The following SYNJ2 variants were observed in gnomAD, a reference collection of about 807,000 sequenced individuals.
The protein encoded by SYNJ2 is synaptojanin 2.
SYNJ2 carries 116 observed loss-of-function variants against 141.3 expected under a neutral mutation model. The observed-to-expected ratio is 0.82, with a 90% CI of 0.71 to 0.96. The LOEUF (loss-of-function observed/expected upper bound fraction) is 0.96. Among genes scored for constraint, SYNJ2 ranks in the 40% least tolerant of loss-of-function variants. The pLI is 0.00. For synonymous variants in SYNJ2, 745 were observed against 777.7 expected (o/e 0.96, Z 0.70); for missense variants, 1,873 against 1,934.8 (o/e 0.97, Z 0.60).
chr6:158,000,357 C>G (rs1777799080), intron 1 of SYNJ2, among the ~76,000 whole-genome samples: 1 of 152,074 alleles, frequency 6.6e-6, no homozygotes, highest in Non-Finnish European at 1.5e-5. Context: ...AATAAGGAAG[C>G]AGAATCAGTG....
At chr6:158,008,219 C>T (rs1163029254) in intron 1 of SYNJ2, among the ~76,000 whole-genome samples, 1 of 152,024 alleles carries the variant, frequency 6.6e-6, no homozygotes, top group Non-Finnish European at 1.5e-5. Flanking sequence ...GTGATCCATT[C>T]CCCTTGGCCT....
At chr6:158,076,421 G>A (rs144966057) in intron 16 of SYNJ2, among the ~76,000 whole-genome samples, 8 of 152,204 alleles carry the variant, frequency 5.3e-5, no homozygotes, top group East Asian at 3.9e-4. Context: ...ATACGAGGGC[G>A]GTGTGTCCCT....
At chr6:158,003,104 C>G (rs866950223) in intron 1 of SYNJ2, among the ~76,000 whole-genome samples, 1 of 152,160 alleles carries the variant, frequency 6.6e-6, no homozygotes, top group African/African-American at 2.4e-5. Context: ...ACCAAACTTT[C>G]TTGTATTTTC....
Position 158,086,936 on chromosome 6 carries a change from C to A in SYNJ2, c.3290C>A (p.Ser1097Ter). The A allele has an allele frequency of 1.2e-6, 2 of 1,606,424 alleles. No individual in the cohort carries two copies. The highest frequency in any genetic ancestry group is 1.7e-6 in the Non-Finnish European group (2 of 1,178,726). ...CACCGTTCTCCGAGCAGGTCTCTGTCGGTCCCCAACCGGCCTCGGCCACCT... is the reference window on the plus strand; with the variant it reads ...CACCGTTCTCCGAGCAGGTCTCTGTAGGTCCCCAACCGGCCTCGGCCACCT... ...FRHRSPSRSL[S>*]VPNRPRPPQP... The change falls in exon 23 of 27, where the codon TCG becomes TAG. Residue 1097 changes from serine to a stop codon, truncating the protein, a stop_gained. Transcript: ENST00000355585. LOFTEE classifies it high-confidence loss of function.
intron 1 of SYNJ2, among the ~76,000 whole-genome samples, chr6:157,984,467 C>T (rs1484451233): frequency 1.3e-5 from 2 of 152,104 alleles, no homozygotes; most frequent in African/African-American, 2.4e-5. Flanking sequence ...GGTGCGATCT[C>T]GGCTGACTGC....
Position 158,028,828 on chromosome 6 carries a change from TC to T in SYNJ2, c.288del (p.Tyr97ThrfsTer22). 6 of 1,614,150 alleles carry T rather than the reference TC, an allele frequency of 3.7e-6. No homozygotes were observed. Among genetic ancestry groups the T allele is most frequent in the Non-Finnish European group, 5.1e-6 (6 of 1,180,016 alleles). ...GTGGGCAGAATTCCAGATGCTGAAA[TC>T]TACAAAATCACTGCCACTGACTTTT... ...TSVGRIPDAEIYKITATDFYP... is the reference protein window; with the variant it reads ...TSVGRIPDAEXYKITATDFYP... On this transcript the variant is annotated frameshift_variant, in exon 3 of 27. Transcript: ENST00000355585. LOFTEE classifies it high-confidence loss of function.
chr6:158,055,067 A>T, intron 6 of SYNJ2, 39 bp downstream of exon 6: 5 of 1,605,800 alleles, frequency 3.1e-6, no homozygotes, highest in Non-Finnish European at 4.3e-6. Flanking sequence ...TGTCATTGTC[A>T]TCCTTAGACA....
chr6:158,065,017 G>C (rs1402232166), intron 11 of SYNJ2, 26 bp downstream of exon 11: 2 of 1,512,708 alleles, frequency 1.3e-6, no homozygotes, highest in South Asian at 2.5e-5. Flanking sequence ...GACAGGGCGA[G>C]GCAGGGAGGT....
chr6:158,016,175 G>A (rs959349274), intron 1 of SYNJ2, among the ~76,000 whole-genome samples: 10 of 152,124 alleles, frequency 6.6e-5, no homozygotes, highest in South Asian at 2.1e-4. Flanking sequence ...GTGCAGTGGC[G>A]TAATTTCGGC....
rs202140646 is a variant in SYNJ2, at chr6:158,062,179, G to A, written c.1127+15G>A. 63 of 1,608,752 alleles carry A rather than the reference G, an allele frequency of 3.9e-5. No individual in the cohort carries two copies. Among genetic ancestry groups the A allele is most frequent in the African/African-American group, 8.0e-5 (6 of 74,760 alleles). ...GTCAGTCCACGGTGAGGCTCGCTGC[G>A]CACTGTGCCGCGTCTTCTGCTGGGG... On this transcript the variant is annotated intron_variant, in intron 8 of 26. Transcript: ENST00000355585.
At chr6:158,015,766 A>G (rs1180355514) in intron 1 of SYNJ2, among the ~76,000 whole-genome samples, 4 of 152,204 alleles carry the variant, frequency 2.6e-5, no homozygotes, top group African/African-American at 9.6e-5. Flanking sequence ...ATATTGCTAT[A>G]CTATAACATT....
At chr6:158,053,372 T>A (rs1013771650) in intron 5 of SYNJ2, among the ~76,000 whole-genome samples, 14 of 152,338 alleles carry the variant, frequency 9.2e-5, no homozygotes, top group African/African-American at 3.4e-4. Context: ...CCCTTAAGAT[T>A]TATCATCAAC....
chr6:158,036,335 A>G (rs1779636306), intron 4 of SYNJ2, among the ~76,000 whole-genome samples: 1 of 152,168 alleles, frequency 6.6e-6, no homozygotes, highest in African/African-American at 2.4e-5. Context: ...TCAGAGACCT[A>G]CTCACAATAG....
intron 2 of SYNJ2, among the ~76,000 whole-genome samples, chr6:158,023,027 A>T (rs1417431852): frequency 1.3e-5 from 2 of 152,130 alleles, no homozygotes; most frequent in Non-Finnish European, 2.9e-5. Context: ...AGGCAGGAGG[A>T]TCACTTGAGC....
chr6:158,081,617 T>C, intron 20 of SYNJ2, 107 bp downstream of exon 20: 1 of 439,394 alleles, frequency 2.3e-6, no homozygotes, highest in Non-Finnish European at 3.7e-6. Context: ...TTTTTTTTTT[T>C]TTTTTTTTTT....
At chr6:158,035,346 AT>A (rs1457517286) in intron 4 of SYNJ2, among the ~76,000 whole-genome samples, 2 of 152,046 alleles carry the variant, frequency 1.3e-5, no homozygotes, top group Non-Finnish European at 2.9e-5. Flanking sequence ...GTCATCTCCA[AT>A]TTCTTTGAGC....
Position 158,087,909 on chromosome 6 carries a change from A to G in SYNJ2, c.3344-751A>G, listed in dbSNP as rs560982796. Among the ~76,000 whole-genome samples, 27 of 142,674 alleles carry G rather than the reference A, an allele frequency of 1.9e-4. No individual in the cohort carries two copies. In the East Asian group the frequency reaches 5.4e-3, roughly 29 times the overall value. The allele number at this position is 142,674 out of a possible 152,430, so 93.6% of individuals were successfully genotyped here. On this transcript the variant is annotated intron_variant, in intron 23 of 26. Transcript: ENST00000355585. Reference sequence around the variant, plus strand: ...TTTTTTTTTTTTTAACAAAATTAATACCCATTTTCTCTGGTCGGTTGTCTT... The same window carrying G: ...TTTTTTTTTTTTTAACAAAATTAATGCCCATTTTCTCTGGTCGGTTGTCTT...
Position 158,070,031 on chromosome 6 carries a change from C to T in SYNJ2, c.1940+358C>T, listed in dbSNP as rs1781818756. ...TGAGTAACTCACTGGGAAATGCCAA[C>T]TCTTTTGTCCCTTTTTAAAAGAATT... On this transcript the variant is annotated intron_variant, in intron 14 of 26. Transcript: ENST00000355585. This position sits in a 1 kb window ranked among gnomAD's most constrained non-coding sequence, Gnocchi z 4.0. 1 of 644,694 alleles carries T rather than the reference C, an allele frequency of 1.6e-6. No homozygotes were observed. The highest frequency in any genetic ancestry group is 1.9e-6 in the Non-Finnish European group (1 of 512,862). The allele number at this position is 644,694 out of a possible 1,614,324, so 39.9% of individuals were successfully genotyped here.
chr6:158,009,266 CT>C (rs1473539755), intron 1 of SYNJ2, among the ~76,000 whole-genome samples: 9 of 152,268 alleles, frequency 5.9e-5, no homozygotes, highest in African/African-American at 2.2e-4. Context: ...TGGCAGGAAG[CT>C]TGAGCAGCGC....
Sources: allele counts gnomAD v4.1 joint callset (sites outside exome capture counted in the v4.1 genomes callset), GRCh38; gene constraint gnomAD v4.1.1; non-coding constraint Gnocchi (gnomAD v3.1); transcripts MANE v1.5; gene names NCBI Gene and HGNC (gene_info 2026-07-23, HGNC 2026-07-21).